The following PPP1R13L variants were observed in gnomAD, a reference collection of about 807,000 sequenced individuals.
PPP1R13L encodes the protein protein phosphatase 1 regulatory subunit 13 like.
In PPP1R13L, 50 loss-of-function variants were observed where a neutral mutation model predicts 80.9. The observed-to-expected ratio is 0.62, with a 90% confidence interval of 0.49 to 0.78. PPP1R13L has a LOEUF of 0.78. Among genes scored for constraint, PPP1R13L ranks in the 30% least tolerant of loss-of-function variants. The pLI, the probability that PPP1R13L is intolerant of heterozygous loss-of-function variation, is 0.00. For missense variants in PPP1R13L, 1,200 were observed against 1,205.9 expected (o/e 1.00, Z 0.07); for synonymous variants, 602 against 534.3 (o/e 1.13, Z -1.75).
At chr19:45,397,612 C>T (rs1017932557) in intron 3 of PPP1R13L, among the ~76,000 whole-genome samples, 7 of 151,492 alleles carry the variant, frequency 4.6e-5, no homozygotes, top group Non-Finnish European at 8.8e-5. Context: ...TATGCACCAC[C>T]ACACCTGGCT....
At chr19:45,390,193 C>T (rs186321202) in intron 8 of PPP1R13L, among the ~76,000 whole-genome samples, 33 of 152,204 alleles carry the variant, frequency 2.2e-4, no homozygotes, top group African/African-American at 7.9e-4. Context: ...CGGGTTTAAG[C>T]GATTCTCTTG....
At chr19:45,401,198 C>CA (rs1241283107) in intron 1 of PPP1R13L, among the ~76,000 whole-genome samples, 4 of 151,010 alleles carry the variant, frequency 2.6e-5, no homozygotes, top group East Asian at 2.0e-4. Flanking sequence ...CTAAAAAATA[C>CA]AAAAAAATTA....
chr19:45,405,581 C>T (rs1198326695), upstream of PPP1R13L, among the ~76,000 whole-genome samples: 10 of 152,224 alleles, frequency 6.6e-5, no homozygotes, highest in African/African-American at 2.4e-4. Flanking sequence ...AGGGGCTGCA[C>T]CCCGGTGTCT....
chr19:45,396,536 T>G lies in PPP1R13L; in HGVS notation c.712+9A>C. 1 of 1,572,628 alleles carries G rather than the reference T, an allele frequency of 6.4e-7. No homozygotes were observed. Among genetic ancestry groups the G allele is most frequent in the Non-Finnish European group, 8.6e-7 (1 of 1,164,362 alleles). On this transcript the variant is annotated intron_variant, in intron 4 of 12. Transcript: ENST00000360957. This position sits in a 1 kb window ranked among gnomAD's most constrained non-coding sequence, Gnocchi z 5.3. ...AGTCAAAGGCCCCGCGAGGGGCCCCTGGGTTCACCTTGCGCGCGCAGAGGC... is the reference window on the plus strand; with the variant it reads ...AGTCAAAGGCCCCGCGAGGGGCCCCGGGGTTCACCTTGCGCGCGCAGAGGC...
chr19:45,397,904 C>T (rs1973145070), intron 3 of PPP1R13L, 101 bp downstream of exon 3: 2 of 1,449,716 alleles, frequency 1.4e-6, no homozygotes, highest in South Asian at 1.4e-5. Flanking sequence ...GAGCCCACAA[C>T]CTGCATAACT....
Position 45,395,866 on chromosome 19 carries a change from G to C in PPP1R13L, c.924C>G (p.Thr308=). Residue 308 remains threonine, a synonymous_variant, in exon 7 of 13, where the codon ACC becomes ACG. Transcript: ENST00000360957. ...GAGAGACCTTGTAATTGCGCGGCAG[G>C]GTGGCGCTAGTGAGGTTGTCCTGGG... is the stretch of plus-strand genomic sequence containing the variant. ...GTGKDNLTSA[T]LPRNYKVSPL... 1 of 1,594,246 alleles carries C rather than the reference G, an allele frequency of 6.3e-7. No individual in the cohort carries two copies. Among genetic ancestry groups the C allele is most frequent in the Non-Finnish European group, 8.5e-7 (1 of 1,171,680 alleles).
intron 6 of PPP1R13L, 100 bp from the exon 7 acceptor site, chr19:45,395,986 T>G: frequency 3.9e-6 from 5 of 1,295,746 alleles, no homozygotes; most frequent in Non-Finnish European, 5.3e-6. Context: ...AGGGAAGCCC[T>G]GGGAGTGAGG....
Position 45,396,475 on chromosome 19 carries a change from T to C in PPP1R13L, c.713-39A>G, listed in dbSNP as rs773168916. ...TCCAGGGAGGATGAGACGGGAGGGGTGGCGAGCCCCGGATCCTGCCCGCTT... is the reference window on the plus strand; with the variant it reads ...TCCAGGGAGGATGAGACGGGAGGGGCGGCGAGCCCCGGATCCTGCCCGCTT... On this transcript the variant is annotated intron_variant, in intron 4 of 12. Transcript: ENST00000360957. This position sits in a 1 kb window ranked among gnomAD's most constrained non-coding sequence, Gnocchi z 5.3. 6.2e-7 allele frequency: 1 copy of C among 1,612,126 alleles called. No homozygotes were observed. Among genetic ancestry groups the C allele is most frequent in the African/African-American group, 1.3e-5 (1 of 74,928 alleles).
At chr19:45,387,631 T>C (rs1424070353) in intron 8 of PPP1R13L, among the ~76,000 whole-genome samples, 2 of 152,132 alleles carry the variant, frequency 1.3e-5, no homozygotes, top group Non-Finnish European at 2.9e-5. Context: ...CTCAGCTCAC[T>C]GCAAGCTCCG....
At chr19:45,399,720 G>C (rs570403153) in intron 1 of PPP1R13L, among the ~76,000 whole-genome samples, 1 of 151,776 alleles carries the variant, frequency 6.6e-6, no homozygotes, top group East Asian at 1.9e-4. Flanking sequence ...TTGGGAGGCC[G>C]AGGTGGATGG....
chr19:45,402,719 C>T (rs1036866642), intron 1 of PPP1R13L, among the ~76,000 whole-genome samples: 7 of 152,206 alleles, frequency 4.6e-5, no homozygotes, highest in African/African-American at 1.7e-4. Flanking sequence ...ATGTGCTCCC[C>T]TCTAGCTCTA....
chr19:45,395,288 C>T, intron 7 of PPP1R13L, 148 bp downstream of exon 7: 1 of 1,158,098 alleles, frequency 8.6e-7, no homozygotes, highest in Non-Finnish European at 1.2e-6. Flanking sequence ...ACCCAAATTC[C>T]CAAACTCACC....
Position 45,396,841 on chromosome 19 carries a change from G to A in PPP1R13L, c.416C>T (p.Thr139Ile). The A allele has an allele frequency of 6.6e-7, 1 of 1,509,008 alleles. No individual in the cohort carries two copies. Among genetic ancestry groups the A allele is most frequent in the Non-Finnish European group, 8.8e-7 (1 of 1,138,370 alleles). The allele number at this position is 1,509,008 out of a possible 1,614,324, so 93.5% of individuals were successfully genotyped here. A position where few individuals can be genotyped will look rare whatever the true frequency, so the allele number is the denominator to read the frequency against. The change falls in exon 4 of 13, where the codon ACC becomes ATC. Residue 139 changes from threonine (T) to isoleucine (I), a missense_variant. Physicochemically the swap from Thr to Ile is moderately conservative, Grantham distance 89. Coordinates refer to ENST00000360957, the MANE Select transcript of PPP1R13L (RefSeq NM_006663.4). This position sits in a 1 kb window ranked among gnomAD's most constrained non-coding sequence, Gnocchi z 5.3. Reference sequence around the variant, plus strand: ...ATCGAAGGCGCGGGGCCGGGGCGAGGTCGCGCGGTCCAGGCTGCCGTAGGC... The same window carrying A: ...ATCGAAGGCGCGGGGCCGGGGCGAGATCGCGCGGTCCAGGCTGCCGTAGGC... ...PDAYGSLDRA[T>I]SPRPRAFDGA...
chr19:45,405,511 G>A (rs35646630), upstream of PPP1R13L, among the ~76,000 whole-genome samples: 2,887 of 152,302 alleles, frequency 0.019, 94 homozygotes, highest in African/African-American at 0.065. Flanking sequence ...CAGCCTCCGC[G>A]ACCGCCCTCG....
intron 8 of PPP1R13L, among the ~76,000 whole-genome samples, chr19:45,390,071 A>G (rs35399958): frequency 0.083 from 12,510 of 150,668 alleles, 685 homozygotes; most frequent in East Asian, 0.27. Context: ...GATTACAGGC[A>G]TGAACCACCA....
Position 45,379,967 on chromosome 19 carries a change from T to TTCCA in PPP1R13L, c.*219_*222dup. On this transcript the variant is annotated 3_prime_UTR_variant, in exon 13 of 13. Coordinates refer to ENST00000360957, the MANE Select transcript of PPP1R13L (RefSeq NM_006663.4). ...GAAGTGGTTTCCTGTCCCCAGTGAT[T>TTCCA]TCCAGCCCTTCCCAGACCTCCCAAG... is the stretch of plus-strand genomic sequence containing the variant. 2.1e-6 allele frequency: 1 copy of TTCCA among 475,284 alleles called. No individual in the cohort carries two copies. The allele number at this position is 475,284 out of a possible 1,614,324, so 29.4% of individuals were successfully genotyped here. A position where few individuals can be genotyped will look rare whatever the true frequency, so the allele number is the denominator to read the frequency against.
Position 45,396,530 on chromosome 19 carries a change from G to A in PPP1R13L, c.712+15C>T, listed in dbSNP as rs1263863078. The A allele has an allele frequency of 6.3e-7, 1 of 1,585,710 alleles. No homozygotes were observed. The highest frequency in any genetic ancestry group is 1.3e-5 in the African/African-American group (1 of 74,084). On this transcript the variant is annotated intron_variant, in intron 4 of 12. Transcript: ENST00000360957. This position sits in a 1 kb window ranked among gnomAD's most constrained non-coding sequence, Gnocchi z 5.3. Reference sequence around the variant, plus strand: ...CCCGCGAGTCAAAGGCCCCGCGAGGGGCCCCTGGGTTCACCTTGCGCGCGC... The same window carrying A: ...CCCGCGAGTCAAAGGCCCCGCGAGGAGCCCCTGGGTTCACCTTGCGCGCGC...
At position 45,397,999 on chromosome 19, in the gene PPP1R13L, G is replaced by T; in HGVS notation, c.198+6C>A. The stretch of plus-strand genomic sequence containing the variant: ...CTTTGGAGATCAAGGTGGGAACCAG[G>T]CTTACCCTAGAAGGGGGTCCGGCCT... On this transcript the variant is annotated splice_donor_region_variant and intron_variant, in intron 3 of 12. Transcript: ENST00000360957. 6.2e-7 allele frequency: 1 copy of T among 1,607,668 alleles called. No homozygotes were observed. The highest frequency in any genetic ancestry group is 8.5e-7 in the Non-Finnish European group (1 of 1,175,706).
At position 45,396,701 on chromosome 19, in the gene PPP1R13L, C is replaced by A. The variant is rs780947901; in HGVS notation, c.556G>T (p.Gly186Cys). The stretch of plus-strand genomic sequence containing the variant: ...TGGGGCCCCTCCGCCAGGGGGCTGC[C>A]GCGGGGGGAGCCTGCGCGGCCCAGG... ...DFLGRAGSPR[G>C]SPLAEGPQAF... The change falls in exon 4 of 13, where the codon GGC becomes TGC. Residue 186 changes from glycine to cysteine, a missense_variant. This residue lies in a region of PPP1R13L where 764 missense variants were observed against 714.5 expected (regional missense o/e 1.07). Coordinates refer to ENST00000360957, the MANE Select transcript of PPP1R13L (RefSeq NM_006663.4). The surrounding 1 kb of genome is among the most constrained non-coding windows in gnomAD (Gnocchi z 5.3). 28 of 1,407,744 alleles carry A rather than the reference C, an allele frequency of 2.0e-5. No homozygotes were observed. The highest frequency in any genetic ancestry group is 3.0e-5 in the African/African-American group (2 of 66,474). 87.2% of individuals were successfully genotyped at this position (1,407,744 alleles called of 1,614,324 possible).
Sources: allele counts gnomAD v4.1 joint callset (sites outside exome capture counted in the v4.1 genomes callset), GRCh38; gene constraint gnomAD v4.1.1; regional missense constraint gnomAD v4.1.1; non-coding constraint Gnocchi (gnomAD v3.1); transcripts MANE v1.5; gene names NCBI Gene and HGNC (gene_info 2026-07-23, HGNC 2026-07-21).